FAM149B1: variants seen among roughly 807,000 people sequenced by gnomAD.
FAM149B1 encodes the protein primary cilium assembly protein FAM149B1.
In FAM149B1, 56 loss-of-function variants were observed where a neutral mutation model predicts 75.3. That is an observed-to-expected ratio of 0.74 (90% CI 0.60 to 0.93). FAM149B1 has a LOEUF of 0.93. FAM149B1 is among the 40% of genes least tolerant of loss of function. FAM149B1 has a pLI of 0.00. For synonymous variants in FAM149B1, 259 were observed against 256.1 expected (o/e 1.01, Z -0.11); for missense variants, 639 against 708.4 (o/e 0.90, Z 1.11).
chr10:73,238,446 A>G (rs2043871563), intron 12 of FAM149B1, among the ~76,000 whole-genome samples: 1 of 152,230 alleles, frequency 6.6e-6, no homozygotes, highest in Non-Finnish European at 1.5e-5. Flanking sequence ...CCAGTAAACT[A>G]CAGTTCCTGG....
intron 12 of FAM149B1, among the ~76,000 whole-genome samples, chr10:73,237,957 T>C (rs1161721687): frequency 6.6e-6 from 1 of 151,296 alleles, no homozygotes; most frequent in African/African-American, 2.5e-5. Flanking sequence ...GTCTTCTCTT[T>C]AAGTTTATTA....
chr10:73,208,797 T>C lies in FAM149B1; in HGVS notation c.710+11T>C, dbSNP rs1166764460. The C allele has an allele frequency of 2.1e-6, 3 of 1,445,640 alleles. No individual in the cohort carries two copies. The highest frequency in any genetic ancestry group is 5.1e-5 in the Admixed American group (2 of 39,492). The allele number at this position is 1,445,640 out of a possible 1,614,324, so 89.6% of individuals were successfully genotyped here. A position where few individuals can be genotyped will look rare whatever the true frequency, so the allele number is the denominator to read the frequency against. On this transcript the variant is annotated intron_variant, in intron 6 of 13. Coordinates refer to ENST00000242505, the MANE Select transcript of FAM149B1 (RefSeq NM_173348.2). ...CGATCACATAGATATGTGAGTATTA[T>C]GCCTTTTAAGCTTTTTACTCCCCTC...
At chr10:73,191,358 C>T (rs1207071161) in intron 3 of FAM149B1, among the ~76,000 whole-genome samples, 3 of 126,932 alleles carry the variant, frequency 2.4e-5, no homozygotes, top group Non-Finnish European at 3.2e-5. Flanking sequence ...TTTTTTGAGA[C>T]GGAGTTTCAT....
At chr10:73,224,349 G>A (rs2043484981) in intron 7 of FAM149B1, among the ~76,000 whole-genome samples, 3 of 151,776 alleles carry the variant, frequency 2.0e-5, no homozygotes, top group Admixed American at 1.3e-4. Flanking sequence ...GTGCAAGAAT[G>A]TTCATAAATA....
rs373612378 is a variant in FAM149B1 at position 73,243,550 on chromosome 10, C to G, written c.*2531C>G. On this transcript the variant is annotated 3_prime_UTR_variant, in exon 14 of 14. Transcript: ENST00000242505. ...TGAGAAGTTAAAACACAAGCTTTCACAACATTATCCATAGACAGAAAGTAC... is the reference window on the plus strand; with the variant it reads ...TGAGAAGTTAAAACACAAGCTTTCAGAACATTATCCATAGACAGAAAGTAC... 9.9e-6 allele frequency: 16 copies of G among 1,613,262 alleles called. No homozygotes were observed. Among genetic ancestry groups the G allele is most frequent in the Non-Finnish European group, 1.4e-5 (16 of 1,179,742 alleles).
At chr10:73,177,746 T>TGTACACATA in intron 2 of FAM149B1, 100 bp from the exon 3 acceptor site, 3 of 1,038,898 alleles carry the variant, frequency 2.9e-6, no homozygotes, top group African/African-American at 1.6e-5. Flanking sequence ...TGTACACATG[T>TGTACACATA]TAATCACCTA....
In FAM149B1 at chr10:73,168,288, G is replaced by T; in HGVS notation, c.-52G>T. The stretch of plus-strand genomic sequence containing the variant: ...CAGGCCCGGAGGCCCCCACCCTGGC[G>T]TGCCTGCCCCGGCCGCGGCTGAGGA... On this transcript the variant is annotated 5_prime_UTR_variant, in exon 1 of 14. Coordinates refer to ENST00000242505, the MANE Select transcript of FAM149B1 (RefSeq NM_173348.2). 4 of 1,543,456 alleles carry T rather than the reference G, an allele frequency of 2.6e-6. No homozygotes were observed. The highest frequency in any genetic ancestry group is 3.5e-6 in the Non-Finnish European group (4 of 1,143,708).
chr10:73,192,826 T>C, intron 4 of FAM149B1, 128 bp downstream of exon 4: 1 of 890,356 alleles, frequency 1.1e-6, no homozygotes, highest in South Asian at 2.3e-5. Flanking sequence ...TAAGGCCATG[T>C]GGTATAAAGC....
intron 3 of FAM149B1, among the ~76,000 whole-genome samples, chr10:73,181,399 C>T (rs1452495463): frequency 1.3e-5 from 2 of 152,148 alleles, no homozygotes; most frequent in African/African-American, 2.4e-5. Context: ...CTGTAAACTT[C>T]CCTCCTAGTA....
intron 5 of FAM149B1, among the ~76,000 whole-genome samples, chr10:73,207,907 T>C (rs1213080577): frequency 6.6e-6 from 1 of 152,220 alleles, no homozygotes; most frequent in Non-Finnish European, 1.5e-5. Context: ...AGAGGAGACG[T>C]GGGACTTTGG....
At chr10:73,227,294 G>A (rs2133394288) in intron 7 of FAM149B1, among the ~76,000 whole-genome samples, 1 of 151,986 alleles carries the variant, frequency 6.6e-6, no homozygotes, top group East Asian at 1.9e-4. Flanking sequence ...TCCTTATGTT[G>A]CCCAAGCTGG....
At chr10:73,188,583 G>C (rs552083609) in intron 3 of FAM149B1, among the ~76,000 whole-genome samples, 1 of 152,046 alleles carries the variant, frequency 6.6e-6, no homozygotes, top group Admixed American at 6.6e-5. Context: ...TTAGCCAGGC[G>C]TGGTGGCAGG....
intron 8 of FAM149B1, among the ~76,000 whole-genome samples, chr10:73,228,822 C>A (rs1256249625): frequency 2.0e-5 from 3 of 152,132 alleles, no homozygotes; most frequent in Non-Finnish European, 4.4e-5. Context: ...TCTCGAACTC[C>A]TGGCCTCATG....
rs2042727395 is a variant in FAM149B1, at chr10:73,193,523, T to C, written c.472T>C (p.Tyr158His). The change falls in exon 5 of 14, where the codon TAT becomes CAT. Residue 158 changes from tyrosine (Y) to histidine (H), a missense_variant. Tyr to His is a moderately conservative substitution (Grantham distance 83). Transcript: ENST00000242505. The part of the protein sequence containing the change: ...IITPSEGYRL[Y>H]PRSPSAVSAS... ...CACTCCAAGTGAAGGTTATAGATTGTATCCTAGATCCCCTTCTGCTGTTTC... is the reference window on the plus strand; with the variant it reads ...CACTCCAAGTGAAGGTTATAGATTGCATCCTAGATCCCCTTCTGCTGTTTC... The C allele has an allele frequency of 6.4e-7, 1 of 1,550,530 alleles. No individual in the cohort carries two copies. Among genetic ancestry groups the C allele is most frequent in the Admixed American group, 2.0e-5 (1 of 50,976 alleles).
intron 7 of FAM149B1, among the ~76,000 whole-genome samples, chr10:73,219,177 A>G (rs2043355893): frequency 6.6e-6 from 1 of 152,210 alleles, no homozygotes; most frequent in Non-Finnish European, 1.5e-5. Context: ...ATCAAGAAGA[A>G]TAAAATAAAT....
In FAM149B1 at chr10:73,174,797, AAC is replaced by A. The variant is rs766552542; in HGVS notation, c.152+10_152+11del. 1 of 1,527,332 alleles carries A rather than the reference AAC, an allele frequency of 6.5e-7. No individual in the cohort carries two copies. Among genetic ancestry groups the A allele is most frequent in the Non-Finnish European group, 8.9e-7 (1 of 1,124,854 alleles). 94.6% of individuals were successfully genotyped at this position (1,527,332 alleles called of 1,614,324 possible). ...AAAGACACAAGTTCCCAAAGGTAAT[AAC>A]ACAAAGTGTACTTGTTTACTTATTG... On this transcript the variant is annotated splice_region_variant and intron_variant, in intron 2 of 13. Coordinates refer to ENST00000242505, the MANE Select transcript of FAM149B1 (RefSeq NM_173348.2).
intron 1 of FAM149B1, among the ~76,000 whole-genome samples, chr10:73,171,260 T>C (rs1843701541): frequency 6.6e-6 from 1 of 152,072 alleles, no homozygotes; most frequent in Non-Finnish European, 1.5e-5. Flanking sequence ...GATTGTTGAT[T>C]TGATACTCCC....
At chr10:73,203,847 C>T (rs1459843397) in intron 5 of FAM149B1, among the ~76,000 whole-genome samples, 1 of 152,054 alleles carries the variant, frequency 6.6e-6, no homozygotes, top group Non-Finnish European at 1.5e-5. Context: ...CACCATGTTG[C>T]ACAGGCTGGT....
At chr10:73,180,517 T>C (rs2042371471) in intron 3 of FAM149B1, among the ~76,000 whole-genome samples, 1 of 152,266 alleles carries the variant, frequency 6.6e-6, no homozygotes, top group African/African-American at 2.4e-5. Context: ...TATATTATGA[T>C]TTGTATCTCT....
Sources: gnomAD v4.1 joint callset for allele counts (sites outside exome capture counted in the v4.1 genomes callset) on GRCh38, gnomAD v4.1.1 for gene constraint, MANE v1.5 for transcripts, NCBI Gene and HGNC (gene_info 2026-07-23, HGNC 2026-07-21) for gene names.